Variants in SENP7 observed in about 807,000 individuals in gnomAD.
SENP7 encodes SUMO specific peptidase 7.
In SENP7, 64 loss-of-function variants were observed where a neutral mutation model predicts 141.2. The ratio of observed to expected loss-of-function variants is 0.45; its 90% CI spans 0.37 to 0.56. The LOEUF (loss-of-function observed/expected upper bound fraction) is 0.56, where lower values mean the gene tolerates loss of function less well. Ranked by LOEUF, SENP7 falls within the 20% of genes least tolerant of loss-of-function variation. SENP7 has a pLI of 0.00. For missense variants in SENP7, 1,025 were observed against 1,212.2 expected (o/e 0.85, Z 2.29); for synonymous variants, 382 against 426.4 (o/e 0.90, Z 1.28).
At chr3:101,473,396 G>A (rs1357222476) in intron 3 of SENP7, among the ~76,000 whole-genome samples, 1 of 152,152 alleles carries the variant, frequency 6.6e-6, no homozygotes, top group Non-Finnish European at 1.5e-5. Context: ...ACCACCATCT[G>A]TTACTTTTGG....
At chr3:101,485,137 C>T (rs927521208) in intron 3 of SENP7, among the ~76,000 whole-genome samples, 22 of 151,998 alleles carry the variant, frequency 1.4e-4, no homozygotes, top group Non-Finnish European at 3.2e-4. Flanking sequence ...TCAGACACGC[C>T]TAGCCCCACC....
intron 3 of SENP7, among the ~76,000 whole-genome samples, chr3:101,481,260 A>G (rs1297792161): frequency 6.6e-6 from 1 of 152,240 alleles, no homozygotes; most frequent in Non-Finnish European, 1.5e-5. Context: ...GGACAAACGG[A>G]TAAAGAAAAT....
At chr3:101,505,323 C>T (rs1435707782) in intron 1 of SENP7, among the ~76,000 whole-genome samples, 1 of 152,168 alleles carries the variant, frequency 6.6e-6, no homozygotes, top group African/African-American at 2.4e-5. Flanking sequence ...CAAAGCTGTA[C>T]TTGTAACCCT....
At chr3:101,428,674 T>C (rs1250360652) in intron 4 of SENP7, among the ~76,000 whole-genome samples, 1 of 152,210 alleles carries the variant, frequency 6.6e-6, no homozygotes, top group Non-Finnish European at 1.5e-5. Context: ...GATAGTTTCT[T>C]TTGCTGTGCA....
chr3:101,351,925 A>G (rs1400289808), intron 11 of SENP7, among the ~76,000 whole-genome samples: 1 of 151,978 alleles, frequency 6.6e-6, no homozygotes, highest in African/African-American at 2.4e-5. Flanking sequence ...CTGAAAATGT[A>G]AAGACTAAGA....
chr3:101,492,623 G>A (rs1197199542), intron 3 of SENP7, among the ~76,000 whole-genome samples: 1 of 152,054 alleles, frequency 6.6e-6, no homozygotes, highest in Non-Finnish European at 1.5e-5. Context: ...CTAGGGGTAC[G>A]TGTGCCCAGA....
chr3:101,446,831 G>C (rs888894270), intron 4 of SENP7, among the ~76,000 whole-genome samples: 23 of 152,112 alleles, frequency 1.5e-4, no homozygotes, highest in African/African-American at 4.8e-4. Flanking sequence ...CAAATAAAAA[G>C]TGGTTACAAT....
At position 101,406,117 on chromosome 3, in the gene SENP7, A is replaced by G. The variant is rs180675075; in HGVS notation, c.483-7062T>C. Among the ~76,000 whole-genome samples the G allele has an allele frequency of 3.9e-3, 587 of 152,338 alleles. 2 individuals carry two copies. Among genetic ancestry groups the G allele is most frequent in the Non-Finnish European group, 6.8e-3 (461 of 68,032 alleles). On this transcript the variant is annotated intron_variant, in intron 5 of 23. Transcript: ENST00000394095. ...CCAAAGAATTATAAATCATGCTACT[A>G]TAAAGACATATGCACACATATGTTT...
chr3:101,432,128 A>C (rs1037243672), intron 4 of SENP7, among the ~76,000 whole-genome samples: 2 of 152,138 alleles, frequency 1.3e-5, no homozygotes, highest in African/African-American at 4.8e-5. Flanking sequence ...TTCGGGCCTT[A>C]AGGGAAATTG....
At chr3:101,491,869 A>G (rs565957747) in intron 3 of SENP7, among the ~76,000 whole-genome samples, 1 of 152,314 alleles carries the variant, frequency 6.6e-6, no homozygotes, top group East Asian at 1.9e-4. Flanking sequence ...AGGCAGGTGG[A>G]TCACCTGAGG....
In SENP7 at chr3:101,325,412, C is replaced by T. The variant is rs560168149; in HGVS notation, c.*531G>A. On this transcript the variant is annotated 3_prime_UTR_variant, in exon 24 of 24. Coordinates refer to ENST00000394095, the MANE Select transcript of SENP7 (RefSeq NM_020654.5). ...ATTATGAATGTCTTTTTGTTACATA[C>T]AGAAGGGATGCCGTAAATGGCATTT... 6.6e-6 allele frequency: 1 copy of T among 152,514 alleles called. No homozygotes were observed. The highest frequency in any genetic ancestry group is 1.5e-5 in the Non-Finnish European group (1 of 67,972). 9.4% of individuals were successfully genotyped at this position (152,514 alleles called of 1,614,324 possible).
chr3:101,360,904 A>G (rs571228608), intron 11 of SENP7, among the ~76,000 whole-genome samples: 1 of 152,280 alleles, frequency 6.6e-6, no homozygotes, highest in South Asian at 2.1e-4. Flanking sequence ...TCAAAATGGT[A>G]AGAAAATATA....
intron 4 of SENP7, among the ~76,000 whole-genome samples, chr3:101,420,713 G>T (rs1195892393): frequency 6.6e-6 from 1 of 152,146 alleles, no homozygotes. Flanking sequence ...AGAAGTACAT[G>T]ACATCAGGTA....
chr3:101,508,266 T>G (rs191590090), intron 1 of SENP7, among the ~76,000 whole-genome samples: 49 of 152,044 alleles, frequency 3.2e-4, no homozygotes, highest in African/African-American at 1.2e-3. Flanking sequence ...GGTACAAACT[T>G]CTACATATCT....
chr3:101,482,084 G>A (rs1255572872), intron 3 of SENP7, among the ~76,000 whole-genome samples: 10 of 152,104 alleles, frequency 6.6e-5, no homozygotes, highest in Non-Finnish European at 1.0e-4. Flanking sequence ...ACCGAGGTGG[G>A]CAGATCATGA....
chr3:101,492,092 CAA>C (rs796578685), intron 3 of SENP7, among the ~76,000 whole-genome samples: 3 of 130,746 alleles, frequency 2.3e-5, no homozygotes, highest in Non-Finnish European at 3.3e-5. Context: ...AACGCCATCT[CAA>C]AAAAAAAAAA....
intron 3 of SENP7, among the ~76,000 whole-genome samples, chr3:101,484,721 C>T (rs1400785081): frequency 1.3e-5 from 2 of 152,166 alleles, no homozygotes; most frequent in African/African-American, 4.8e-5. Context: ...AGCAAAAAGG[C>T]CCTGGGAGCT....
intron 11 of SENP7, chr3:101,357,845 C>T (rs2107318935): frequency 3.5e-6 from 2 of 565,796 alleles, no homozygotes; most frequent in South Asian, 1.7e-5. Flanking sequence ...AGAAACGCTA[C>T]AGATGTGAAG....
At position 101,346,867 on chromosome 3, in the gene SENP7, T is replaced by C. The variant is rs140143161; in HGVS notation, c.1837+1005A>G. ...ACAAATTACCACTAAAGAACTTATG[T>C]AATCAAATACCACCGGTTTCCCAAA... On this transcript the variant is annotated intron_variant, in intron 13 of 23. Coordinates refer to ENST00000394095, the MANE Select transcript of SENP7 (RefSeq NM_020654.5). Among the ~76,000 whole-genome samples the C allele has an allele frequency of 6.8e-3, 1,029 of 151,336 alleles. 8 individuals carry two copies. The highest frequency in any genetic ancestry group is 0.024 in the African/African-American group (983 of 41,184).
Sources: allele counts gnomAD v4.1 joint callset (sites outside exome capture counted in the v4.1 genomes callset), GRCh38; gene constraint gnomAD v4.1.1; transcripts MANE v1.5; gene names NCBI Gene and HGNC (gene_info 2026-07-23, HGNC 2026-07-21).